Variants in TCERG1 observed in about 807,000 individuals in gnomAD.
TCERG1 encodes the protein TATA box binding protein (TBP)-associated factor, RNA polymerase II, S, 150kD.
Under a neutral mutation model 144.7 loss-of-function variants are expected in TCERG1, and 37 were observed. The ratio of observed to expected loss-of-function variants is 0.26; its 90% CI spans 0.20 to 0.34. TCERG1 has a LOEUF of 0.34. TCERG1 is among the 10% of genes least tolerant of loss of function. The pLI is 1.00. For missense variants in TCERG1, 1,027 were observed against 1,380.7 expected (o/e 0.74, Z 4.06); for synonymous variants, 492 against 458.2 (o/e 1.07, Z -0.94).
At chr5:146,478,412 A>G (rs1362151940) in intron 9 of TCERG1, 81 bp from the exon 10 acceptor site, 2 of 1,398,408 alleles carry the variant, frequency 1.4e-6, no homozygotes, top group East Asian at 2.5e-5. Flanking sequence ...TCATCTCCCT[A>G]CTTGTAACAG....
intron 3 of TCERG1, among the ~76,000 whole-genome samples, chr5:146,458,030 A>G (rs1762981392): frequency 6.6e-6 from 1 of 151,380 alleles, no homozygotes. Flanking sequence ...TTGTATTTTT[A>G]ATAGAGACAG....
At chr5:146,495,029 A>G (rs1331631174) in intron 16 of TCERG1, among the ~76,000 whole-genome samples, 1 of 152,212 alleles carries the variant, frequency 6.6e-6, no homozygotes, top group Non-Finnish European at 1.5e-5. Context: ...TCTCATAAAA[A>G]GTGTCAGATA....
chr5:146,485,089 TAC>T (rs1351376622), intron 15 of TCERG1, among the ~76,000 whole-genome samples: 1 of 152,250 alleles, frequency 6.6e-6, no homozygotes, highest in Admixed American at 6.5e-5. Flanking sequence ...TACATAGACT[TAC>T]CCCTGTATAC....
intron 19 of TCERG1, among the ~76,000 whole-genome samples, chr5:146,506,630 T>C (rs560678448): frequency 2.6e-5 from 4 of 152,344 alleles, no homozygotes; most frequent in African/African-American, 7.2e-5. Context: ...AACTTCATTA[T>C]CTTTGACAAG....
chr5:146,498,756 T>C (rs1266117956), intron 17 of TCERG1, 70 bp downstream of exon 17: 37 of 1,497,054 alleles, frequency 2.5e-5, no homozygotes, highest in African/African-American at 8.5e-5. Flanking sequence ...GCTGGTGTTA[T>C]GTTTCTAACC....
chr5:146,472,272 T>A (rs1225145687), intron 9 of TCERG1, among the ~76,000 whole-genome samples: 1 of 152,228 alleles, frequency 6.6e-6, no homozygotes, highest in African/African-American at 2.4e-5. Flanking sequence ...TATCTTGTGC[T>A]TCATAGATAC....
rs1171668212 is a variant in TCERG1 at position 146,510,922 on chromosome 5, CT to C, written c.*282del. On this transcript the variant is annotated 3_prime_UTR_variant, in exon 23 of 23. Coordinates refer to ENST00000679501, the MANE Select transcript of TCERG1 (RefSeq NM_001382548.1). ...TTTTATGAGGTGTGGAAGTCAGTGACTTGGTGACGTTCTTCCTAGCAGTGTT... is the reference window on the plus strand; with the variant it reads ...TTTTATGAGGTGTGGAAGTCAGTGACTGGTGACGTTCTTCCTAGCAGTGTT... 3 of 242,774 alleles carry C rather than the reference CT, an allele frequency of 1.2e-5. No homozygotes were observed. Among genetic ancestry groups the C allele is most frequent in the African/African-American group, 4.4e-5 (2 of 44,948 alleles). 15.0% of individuals were successfully genotyped at this position (242,774 alleles called of 1,614,324 possible). A position where few individuals can be genotyped will look rare whatever the true frequency, so the allele number is the denominator to read the frequency against.
chr5:146,495,099 ATTTTCCAC>A (rs1277547514), intron 16 of TCERG1, among the ~76,000 whole-genome samples: 2 of 152,134 alleles, frequency 1.3e-5, no homozygotes, highest in African/African-American at 4.8e-5. Flanking sequence ...TTACACGTTG[ATTTTCCAC>A]TTTTTAAAAG....
chr5:146,451,032 A>G (rs1762297829), intron 1 of TCERG1, among the ~76,000 whole-genome samples: 1 of 152,214 alleles, frequency 6.6e-6, no homozygotes, highest in Non-Finnish European at 1.5e-5. Flanking sequence ...GGGCTTTTTT[A>G]TGGTTCTGGA....
At chr5:146,493,163 G>A (rs1214850497) in intron 16 of TCERG1, 125 bp downstream of exon 16, 5 of 657,018 alleles carry the variant, frequency 7.6e-6, no homozygotes, top group Non-Finnish European at 1.2e-5. Context: ...TTTGATTATC[G>A]GTTTTTGCCA....
intron 5 of TCERG1, among the ~76,000 whole-genome samples, chr5:146,464,858 A>G (rs929742971): frequency 6.6e-6 from 1 of 152,092 alleles, no homozygotes; most frequent in Non-Finnish European, 1.5e-5. Flanking sequence ...AATTATCACT[A>G]TTGCACTGGT....
At position 146,459,770 on chromosome 5, in the gene TCERG1, T is replaced by C. The variant is rs115735105; in HGVS notation, c.892+433T>C. 1.9e-3 allele frequency among the ~76,000 whole-genome samples: 282 copies of C among 152,310 alleles called. 2 individuals are homozygous for C. The highest frequency in any genetic ancestry group is 6.5e-3 in the African/African-American group (270 of 41,568). The stretch of plus-strand genomic sequence containing the variant: ...TTTGAGAAGTGGATAAATGAGTGGG[T>C]GGACTACATGGGTATTTATCATGAA... On this transcript the variant is annotated intron_variant, in intron 4 of 22. Transcript: ENST00000679501.
In TCERG1 at chr5:146,510,735, G is replaced by T. The variant is rs2150959839; in HGVS notation, c.*93G>T. On this transcript the variant is annotated 3_prime_UTR_variant, in exon 23 of 23. Coordinates refer to ENST00000679501, the MANE Select transcript of TCERG1 (RefSeq NM_001382548.1). ...ATATATGTGCATTAGTCAACCTATT[G>T]CGAAACCATCTGACAAACAGAAGGA... 1 of 1,224,660 alleles carries T rather than the reference G, an allele frequency of 8.2e-7. No individual in the cohort carries two copies. Among genetic ancestry groups the T allele is most frequent in the East Asian group, 2.6e-5 (1 of 39,118 alleles). 75.9% of individuals were successfully genotyped at this position (1,224,660 alleles called of 1,614,324 possible).
At chr5:146,468,533 G>A in intron 6 of TCERG1, 130 bp downstream of exon 6, 2 of 717,894 alleles carry the variant, frequency 2.8e-6, no homozygotes, top group Non-Finnish European at 4.3e-6. Flanking sequence ...TTAATGAGCA[G>A]TATAAATGCA....
intron 12 of TCERG1, 52 bp downstream of exon 12, chr5:146,480,146 A>G (rs1242012566): frequency 1.4e-6 from 2 of 1,397,172 alleles, no homozygotes; most frequent in Non-Finnish European, 2.0e-6. Flanking sequence ...TTAAAAGTCG[A>G]TTTGGTAATA....
chr5:146,510,256 T>G, intron 22 of TCERG1, 185 bp from the exon 23 acceptor site: 1 of 689,476 alleles, frequency 1.5e-6, no homozygotes. Flanking sequence ...TGAGGCCCTT[T>G]CACTCCTTGG....
chr5:146,489,185 A>G (rs1020226269), intron 15 of TCERG1, among the ~76,000 whole-genome samples: 2 of 152,178 alleles, frequency 1.3e-5, no homozygotes, highest in African/African-American at 4.8e-5. Context: ...GAGTAGCCAG[A>G]AGGAGGATAT....
chr5:146,469,787 A>G lies in TCERG1; in HGVS notation c.1399+43A>G, dbSNP rs201021166. 4.8e-5 allele frequency: 63 copies of G among 1,315,214 alleles called. No individual in the cohort carries two copies. In the African/African-American group the frequency reaches 9.2e-4, roughly 19 times the overall value. The allele number at this position is 1,315,214 out of a possible 1,614,324, so 81.5% of individuals were successfully genotyped here. A position where few individuals can be genotyped will look rare whatever the true frequency, so the allele number is the denominator to read the frequency against. ...TGACTTGGAAAGTAGTATAAACTGT[A>G]ATAAGTAGAATGGTATTTGAAATTC... On this transcript the variant is annotated intron_variant, in intron 7 of 22. Coordinates refer to ENST00000679501, the MANE Select transcript of TCERG1 (RefSeq NM_001382548.1).
In TCERG1 at chr5:146,459,287, C is replaced by G. The variant is rs192744974; in HGVS notation, c.842C>G (p.Ser281Cys). 1.4e-5 allele frequency: 22 copies of G among 1,614,260 alleles called. No individual in the cohort carries two copies. The highest frequency in any genetic ancestry group is 1.7e-5 in the Non-Finnish European group (20 of 1,180,036). Residue 281 changes from serine (S) to cysteine (C), a missense_variant, in exon 4 of 23, where the codon TCT becomes TGT. By Grantham distance (112) the Ser-to-Cys change is moderately radical (BLOSUM62 -1). This residue lies in a region of TCERG1 where 187 missense variants were observed against 169.1 expected (regional missense o/e 1.11). Coordinates refer to ENST00000679501, the MANE Select transcript of TCERG1 (RefSeq NM_001382548.1). Reference sequence around the variant, plus strand: ...TCAACATCATCATCCACCCCTTCCTCTACCACTTCTACCACAACAACTGCT... The same window carrying G: ...TCAACATCATCATCCACCCCTTCCTGTACCACTTCTACCACAACAACTGCT... ...STSTSSSTPSSTTSTTTTATS... is the reference protein window; with the variant it reads ...STSTSSSTPSCTTSTTTTATS...
Sources: allele counts gnomAD v4.1 joint callset (sites outside exome capture counted in the v4.1 genomes callset), GRCh38; gene constraint gnomAD v4.1.1; regional missense constraint gnomAD v4.1.1; transcripts MANE v1.5; gene names NCBI Gene and HGNC (gene_info 2026-07-23, HGNC 2026-07-21).